Variants in HS6ST3 observed in about 807,000 individuals in gnomAD.
HS6ST3 encodes the protein heparan-sulfate 6-O-sulfotransferase 3.
HS6ST3 carries 12 observed loss-of-function variants against 36.7 expected under a neutral mutation model. That is an observed-to-expected ratio of 0.33 (90% CI 0.21 to 0.53). HS6ST3 has a LOEUF of 0.53. Among genes scored for constraint, HS6ST3 ranks in the 20% least tolerant of loss-of-function variants. The pLI is 0.95. For synonymous variants in HS6ST3, 240 were observed against 257.5 expected (o/e 0.93, Z 0.65); for missense variants, 584 against 640.9 (o/e 0.91, Z 0.96).
chr13:96,611,894 G>A (rs1456859681), intron 1 of HS6ST3, among the ~76,000 whole-genome samples: 1 of 152,144 alleles, frequency 6.6e-6, no homozygotes, highest in South Asian at 2.1e-4. Context: ...AGGGGTCATC[G>A]AGTGTTTCTG....
intron 1 of HS6ST3, among the ~76,000 whole-genome samples, chr13:96,501,667 G>A (rs570180527): frequency 1.3e-5 from 2 of 152,324 alleles, no homozygotes; most frequent in Non-Finnish European, 2.9e-5. Context: ...CCTGAATGCT[G>A]CCTTTTCCCA....
intron 1 of HS6ST3, among the ~76,000 whole-genome samples, chr13:96,543,067 C>T (rs190388017): frequency 6.6e-6 from 1 of 152,246 alleles, no homozygotes; most frequent in Admixed American, 6.5e-5. Context: ...CATCACATAC[C>T]ATGTCCCTAT....
At chr13:96,524,068 T>C (rs531669140) in intron 1 of HS6ST3, among the ~76,000 whole-genome samples, 25 of 152,206 alleles carry the variant, frequency 1.6e-4, no homozygotes, top group Non-Finnish European at 3.2e-4. Flanking sequence ...CTTGTTGATG[T>C]TGATGCTATT....
chr13:96,333,463 A>G (rs1009615723), intron 1 of HS6ST3, among the ~76,000 whole-genome samples: 2 of 152,186 alleles, frequency 1.3e-5, no homozygotes, highest in Non-Finnish European at 2.9e-5. Flanking sequence ...TGACCAGGGC[A>G]AGGAAGAGAG....
intron 1 of HS6ST3, among the ~76,000 whole-genome samples, chr13:96,424,460 C>T (rs150322560): frequency 6.6e-6 from 1 of 152,082 alleles, no homozygotes. Context: ...TACAATAAAC[C>T]CTGAAGTGAC....
chr13:96,400,308 TACACAC>T (rs10603063), intron 1 of HS6ST3, among the ~76,000 whole-genome samples: 48 of 142,558 alleles, frequency 3.4e-4, no homozygotes, highest in Admixed American at 5.0e-4. Context: ...GACACACAGA[TACACAC>T]ACACACACAC....
chr13:96,197,570 A>T (rs2054320438), intron 1 of HS6ST3, among the ~76,000 whole-genome samples: 2 of 152,194 alleles, frequency 1.3e-5, no homozygotes, highest in Non-Finnish European at 2.9e-5. Flanking sequence ...AAAAGTCCAT[A>T]GTCCAAAGTC....
At chr13:96,568,749 C>A (rs903359373) in intron 1 of HS6ST3, among the ~76,000 whole-genome samples, 28 of 152,234 alleles carry the variant, frequency 1.8e-4, no homozygotes, top group African/African-American at 6.5e-4. Flanking sequence ...TAGCTATGAT[C>A]ATGTTTTGGT....
At chr13:96,193,609 CA>C (rs2054299098) in intron 1 of HS6ST3, among the ~76,000 whole-genome samples, 1 of 152,044 alleles carries the variant, frequency 6.6e-6, no homozygotes, top group Non-Finnish European at 1.5e-5. Flanking sequence ...TGATTATGGG[CA>C]CACTCTTCAA....
intron 1 of HS6ST3, among the ~76,000 whole-genome samples, chr13:96,162,069 A>G (rs2054138145): frequency 6.6e-6 from 1 of 152,232 alleles, no homozygotes. Flanking sequence ...TATTAAAATG[A>G]AAAACATAGC....
Position 96,091,048 on chromosome 13 carries a change from G to A in HS6ST3, c.186G>A (p.Pro62=), listed in dbSNP as rs1452893630. 3.2e-6 allele frequency: 4 copies of A among 1,255,096 alleles called. No individual in the cohort carries two copies. The highest frequency in any genetic ancestry group is 3.5e-5 in the South Asian group (1 of 28,524). 77.7% of individuals were successfully genotyped at this position (1,255,096 alleles called of 1,614,324 possible). A position where few individuals can be genotyped will look rare whatever the true frequency, so the allele number is the denominator to read the frequency against. Residue 62 remains proline (P), a synonymous_variant, in exon 1 of 2, where the codon CCG becomes CCA. Transcript: ENST00000376705. ...CCGCCCGCCGGGCTCAGGCGCCGCC[G>A]GAGGAGTGGGAGCGGCGGCCCCAGT... ...PGPARRAQAP[P]EEWERRPQLP...
At chr13:96,484,892 A>G (rs1356896583) in intron 1 of HS6ST3, among the ~76,000 whole-genome samples, 1 of 152,046 alleles carries the variant, frequency 6.6e-6, no homozygotes. Flanking sequence ...ATTTTATTTT[A>G]ATTTTTTGAG....
chr13:96,719,485 A>G (rs984598640), intron 1 of HS6ST3, among the ~76,000 whole-genome samples: 2 of 152,136 alleles, frequency 1.3e-5, no homozygotes, highest in Admixed American at 6.5e-5. Flanking sequence ...TCTCATCAGC[A>G]TTCTTTTTCT....
intron 1 of HS6ST3, among the ~76,000 whole-genome samples, chr13:96,265,802 C>G (rs1301936304): frequency 6.6e-6 from 1 of 151,950 alleles, no homozygotes; most frequent in East Asian, 1.9e-4. Context: ...AGATGGTCAC[C>G]CTATTTAATT....
chr13:96,453,948 TA>T (rs2055742300), intron 1 of HS6ST3, among the ~76,000 whole-genome samples: 1 of 152,196 alleles, frequency 6.6e-6, no homozygotes. Flanking sequence ...TTCTCCCCTT[TA>T]TCTTATCCTC....
chr13:96,811,959 A>G (rs1249656362), intron 1 of HS6ST3, among the ~76,000 whole-genome samples: 1 of 152,170 alleles, frequency 6.6e-6, no homozygotes, highest in Middle Eastern at 3.2e-3. Flanking sequence ...CAGGGGTGGT[A>G]ACGTTAGAAT....
At chr13:96,117,325 A>G (rs551515886) in intron 1 of HS6ST3, among the ~76,000 whole-genome samples, 1 of 152,366 alleles carries the variant, frequency 6.6e-6, no homozygotes, top group African/African-American at 2.4e-5. Flanking sequence ...ACACATCAAA[A>G]TAAAGCAGAA....
intron 1 of HS6ST3, among the ~76,000 whole-genome samples, chr13:96,156,817 A>G (rs2054112826): frequency 6.6e-6 from 1 of 152,190 alleles, no homozygotes; most frequent in Non-Finnish European, 1.5e-5. Flanking sequence ...ATTACATGAG[A>G]AAATATATTA....
At chr13:96,565,689 A>G (rs56362028) in intron 1 of HS6ST3, among the ~76,000 whole-genome samples, 2,647 of 152,268 alleles carry the variant, frequency 0.017, 82 homozygotes, top group African/African-American at 0.059. Flanking sequence ...AGTGGCTCCA[A>G]AGGAGAGACT....
Sources: gnomAD v4.1 joint callset for allele counts (sites outside exome capture counted in the v4.1 genomes callset) on GRCh38, gnomAD v4.1.1 for gene constraint, MANE v1.5 for transcripts, NCBI Gene and HGNC (gene_info 2026-07-23, HGNC 2026-07-21) for gene names.